The following ABHD18 variants were observed in gnomAD, a reference collection of about 807,000 sequenced individuals.
ABHD18 encodes the protein cardiolipin-specific deacylase, mitochondrial.
In ABHD18, 55 loss-of-function variants were observed where a neutral mutation model predicts 65.9. The observed-to-expected ratio is 0.84, with a 90% CI of 0.67 to 1.05. The LOEUF is 1.05. ABHD18 is among the 50% of genes least tolerant of loss of function. The pLI is 0.00. For synonymous variants in ABHD18, 181 were observed against 180.2 expected (o/e 1.00, Z -0.04); for missense variants, 533 against 558.5 (o/e 0.95, Z 0.46).
rs1579475603 is a variant in ABHD18 at position 128,030,503 on chromosome 4, T to C, written c.1181-7T>C. ...ATATGTTGAATTTTTAAAAATCCTA[T>C]ACCTAGTCCCAGTTGATCCAAGCCT... On this transcript the variant is annotated splice_region_variant and splice_polypyrimidine_tract_variant and intron_variant, in intron 11 of 12. Coordinates refer to ENST00000645843, the MANE Select transcript of ABHD18 (RefSeq NM_001358451.3). 6.6e-7 allele frequency: 1 copy of C among 1,520,606 alleles called. No homozygotes were observed. Among genetic ancestry groups the C allele is most frequent in the African/African-American group, 1.4e-5 (1 of 70,224 alleles). The allele number at this position is 1,520,606 out of a possible 1,614,324, so 94.2% of individuals were successfully genotyped here. A position where few individuals can be genotyped will look rare whatever the true frequency, so the allele number is the denominator to read the frequency against.
chr4:127,974,997 CAAAAAAAA>C (rs34068699), intron 1 of ABHD18, among the ~76,000 whole-genome samples: 2 of 88,286 alleles, frequency 2.3e-5, no homozygotes, highest in African/African-American at 9.6e-5. Context: ...AACTGTGTCT[CAAAAAAAA>C]AAAAAAAAAA....
In ABHD18 at chr4:128,023,315, C is replaced by T. The variant is rs187084358; in HGVS notation, c.801+2077C>T. ...GCGTGGTGGCACATGCCTGTAATCA[C>T]AGCAATTTGGAAGACTGAGGTAAGA... On this transcript the variant is annotated intron_variant, in intron 10 of 12. Transcript: ENST00000645843. Among the ~76,000 whole-genome samples the T allele has an allele frequency of 3.3e-3, 440 of 134,498 alleles. 3 individuals carry two copies. The highest frequency in any genetic ancestry group is 0.012 in the African/African-American group (424 of 36,128). 88.2% of individuals were successfully genotyped at this position (134,498 alleles called of 152,430 possible).
chr4:127,999,622 GT>G (rs949386584), intron 4 of ABHD18, among the ~76,000 whole-genome samples: 1 of 152,012 alleles, frequency 6.6e-6, no homozygotes, highest in African/African-American at 2.4e-5. Context: ...TCTTTTTCCT[GT>G]TTTTTAGTGA....
intron 4 of ABHD18, among the ~76,000 whole-genome samples, chr4:128,006,414 G>A (rs17012867): frequency 0.035 from 5,395 of 152,244 alleles, 324 homozygotes; most frequent in African/African-American, 0.12. Context: ...GCCAGTTCTC[G>A]TTATGAGATT....
At chr4:128,010,354 AC>A (rs1298023763) in intron 6 of ABHD18, among the ~76,000 whole-genome samples, 1 of 151,600 alleles carries the variant, frequency 6.6e-6, no homozygotes, top group Non-Finnish European at 1.5e-5. Flanking sequence ...ACATGGTGAA[AC>A]CCTGTCTCTG....
intron 1 of ABHD18, among the ~76,000 whole-genome samples, chr4:127,981,797 G>A (rs1052701518): frequency 1.3e-5 from 2 of 152,042 alleles, no homozygotes; most frequent in African/African-American, 4.8e-5. Context: ...AGAGCACATG[G>A]AAACTGGGAA....
At chr4:127,969,088 A>T (rs1417000809) in intron 1 of ABHD18, among the ~76,000 whole-genome samples, 1 of 152,042 alleles carries the variant, frequency 6.6e-6, no homozygotes, top group Non-Finnish European at 1.5e-5. Context: ...TTAGTTGTTT[A>T]TTAGTAGGTA....
chr4:128,021,136 G>C lies in ABHD18; in HGVS notation c.700-1G>C. The C allele has an allele frequency of 6.5e-7, 1 of 1,527,894 alleles. No individual in the cohort carries two copies. The highest frequency in any genetic ancestry group is 8.9e-7 in the Non-Finnish European group (1 of 1,127,192). 94.6% of individuals were successfully genotyped at this position (1,527,894 alleles called of 1,614,324 possible). ...GATCTTAATTTAGCTTATTATTTCA[G>C]GGTGTGTTGAGTAAATCAATTAATT... On this transcript the variant is annotated splice_acceptor_variant, in intron 9 of 12. Coordinates refer to ENST00000645843, the MANE Select transcript of ABHD18 (RefSeq NM_001358451.3). LOFTEE classifies it high-confidence loss of function.
At chr4:128,016,109 A>T (rs1027123644) in intron 7 of ABHD18, among the ~76,000 whole-genome samples, 1 of 151,710 alleles carries the variant, frequency 6.6e-6, no homozygotes, top group East Asian at 1.9e-4. Context: ...GCGTGCCACC[A>T]CGCCCAGCTA....
At chr4:128,022,258 A>G (rs1477561049) in intron 10 of ABHD18, among the ~76,000 whole-genome samples, 2 of 152,236 alleles carry the variant, frequency 1.3e-5, no homozygotes, top group Non-Finnish European at 2.9e-5. Flanking sequence ...AATCTGTAAA[A>G]AAGAAAAAAG....
chr4:128,004,348 A>G (rs903253913), intron 4 of ABHD18, among the ~76,000 whole-genome samples: 1 of 151,888 alleles, frequency 6.6e-6, no homozygotes, highest in Non-Finnish European at 1.5e-5. Flanking sequence ...GCTACTCGGG[A>G]GGCTGAGGCA....
rs186862069 is a variant in ABHD18, at chr4:128,001,886, C to G, written c.279-7034C>G. The G allele has an allele frequency of 3.1e-4, 344 of 1,093,490 alleles. 1 individual carries two copies. The East Asian group carries it at 9.4e-3, about 30-fold the overall frequency. 67.7% of individuals were successfully genotyped at this position (1,093,490 alleles called of 1,614,324 possible). A position where few individuals can be genotyped will look rare whatever the true frequency, so the allele number is the denominator to read the frequency against. On this transcript the variant is annotated intron_variant, in intron 4 of 12. Coordinates refer to ENST00000645843, the MANE Select transcript of ABHD18 (RefSeq NM_001358451.3). The stretch of plus-strand genomic sequence containing the variant: ...TCCTTGTGCCTGCCACTCAGAAGAC[C>G]CTTTCAGTTTGAAAAAAACAGATAA...
intron 3 of ABHD18, among the ~76,000 whole-genome samples, chr4:127,987,168 A>G (rs998431540): frequency 1.3e-5 from 2 of 149,088 alleles, no homozygotes; most frequent in Admixed American, 6.7e-5. Flanking sequence ...CCTGGCCAAC[A>G]TGGTGAAACC....
intron 1 of ABHD18, among the ~76,000 whole-genome samples, chr4:127,967,981 G>A (rs999555304): frequency 2.0e-5 from 3 of 152,176 alleles, no homozygotes; most frequent in Admixed American, 6.5e-5. Context: ...CAGCACTTTG[G>A]GAGGCCGAGG....
chr4:127,967,186 A>T (rs924018635), intron 1 of ABHD18, among the ~76,000 whole-genome samples: 2 of 151,816 alleles, frequency 1.3e-5, no homozygotes, highest in Non-Finnish European at 2.9e-5. Context: ...AATGGCTCCT[A>T]GATAAATATA....
intron 11 of ABHD18, 102 bp downstream of exon 11, chr4:128,028,955 A>T (rs967900626): frequency 3.9e-6 from 4 of 1,027,152 alleles, no homozygotes; most frequent in African/African-American, 3.3e-5. Flanking sequence ...TTTCAAGGGT[A>T]TATTTTTTTG....
At chr4:127,987,784 G>A (rs1322886558) in intron 3 of ABHD18, among the ~76,000 whole-genome samples, 1 of 151,726 alleles carries the variant, frequency 6.6e-6, no homozygotes, top group Non-Finnish European at 1.5e-5. Context: ...AACTAAATTG[G>A]AACGTTTTTT....
Position 128,020,064 on chromosome 4 carries a change from A to G in ABHD18, c.610-16A>G. 6.4e-7 allele frequency: 1 copy of G among 1,561,134 alleles called. No homozygotes were observed. Among genetic ancestry groups the G allele is most frequent in the African/African-American group, 1.4e-5 (1 of 74,008 alleles). The stretch of plus-strand genomic sequence containing the variant: ...TAGAAACTCTAAATAGACGCTCTCT[A>G]TCTGTTATATTACAGATGGCTTCCT... On this transcript the variant is annotated splice_polypyrimidine_tract_variant and intron_variant, in intron 8 of 12. Coordinates refer to ENST00000645843, the MANE Select transcript of ABHD18 (RefSeq NM_001358451.3).
At chr4:127,986,912 G>T (rs1296692547) in intron 3 of ABHD18, among the ~76,000 whole-genome samples, 1 of 152,116 alleles carries the variant, frequency 6.6e-6, no homozygotes, top group African/African-American at 2.4e-5. Context: ...TTGTTGGGTT[G>T]TATATTGTTT....
Sources: gnomAD v4.1 joint callset for allele counts (sites outside exome capture counted in the v4.1 genomes callset) on GRCh38, gnomAD v4.1.1 for gene constraint, MANE v1.5 for transcripts, NCBI Gene and HGNC (gene_info 2026-07-23, HGNC 2026-07-21) for gene names.